ADORA3: variants seen among roughly 807,000 people sequenced by gnomAD.
ADORA3 encodes the protein adenosine receptor A3.
A neutral mutation model predicts 5.7 loss-of-function variants in ADORA3; 3 were observed. The observed-to-expected ratio is 0.52, with a 90% CI of 0.24 to 1.35. ADORA3 has a LOEUF of 1.35. Among genes scored for constraint, ADORA3 ranks in the 40% most tolerant of loss-of-function variants. ADORA3 has a pLI of 0.17. For missense variants in ADORA3, 343 were observed against 389.0 expected, an observed-to-expected ratio of 0.88 and a Z score of 0.99; for synonymous variants, 168 against 152.3, an observed-to-expected ratio of 1.10 and a Z score of -0.76.
At position 111,500,567 on chromosome 1, in the gene ADORA3, G is replaced by T; in HGVS notation, c.351-11C>A. ...GTGACCCTCTTGTATCTGTGTGAAT[G>T]AAGAGAGTCAGTGAGTCCACAGCAG... On this transcript the variant is annotated splice_polypyrimidine_tract_variant and intron_variant, in intron 1 of 1. Coordinates refer to ENST00000241356, the MANE Select transcript of ADORA3 (RefSeq NM_000677.4). 6.2e-7 allele frequency: 1 copy of T among 1,612,474 alleles called. No homozygotes were observed. Among genetic ancestry groups the T allele is most frequent in the South Asian group, 1.1e-5 (1 of 90,970 alleles).
Position 111,503,176 on chromosome 1 carries a change from G to A in ADORA3, c.179C>T (p.Ala60Val). 6.2e-7 allele frequency: 1 copy of A among 1,614,260 alleles called. No homozygotes were observed. The highest frequency in any genetic ancestry group is 8.5e-7 in the Non-Finnish European group (1 of 1,180,038). ...CAAAGGCATGACCAGCACCCCAACA[G>A]CAATGTCAGCCAGGGCTAGAGAGAC... ...FIVSLALADI[A>V]VGVLVMPLAI... Residue 60 changes from alanine to valine, a missense_variant, in exon 1 of 2, where the codon GCT (alanine) becomes GTT (valine). Physicochemically the swap from Ala to Val is moderately conservative, Grantham distance 64. Coordinates refer to ENST00000241356, the MANE Select transcript of ADORA3 (RefSeq NM_000677.4).
Position 111,500,523 on chromosome 1 carries a change from C to G in ADORA3, c.384G>C (p.Trp128Cys). ...YKRVTTHRRI[W>C]LALGLCWLVS... ...CCAGCCAGCAAAGGCCCAGGGCCAG[C>G]CATATTCTTCTGTGAGTGGTGACCC... The change falls in exon 2 of 2, where the codon TGG (tryptophan) becomes TGC (cysteine). Residue 128 changes from tryptophan to cysteine, a missense_variant. Physicochemically the swap from Trp to Cys is radical, Grantham distance 215 (BLOSUM62 -2). Coordinates refer to ENST00000241356, the MANE Select transcript of ADORA3 (RefSeq NM_000677.4). 2 of 1,614,142 alleles carry G rather than the reference C, an allele frequency of 1.2e-6. No homozygotes were observed. Among genetic ancestry groups the G allele is most frequent in the Admixed American group, 3.3e-5 (2 of 60,014 alleles).
chr1:111,499,872 C>T lies in ADORA3; in HGVS notation c.*78G>A. 7 of 1,557,314 alleles carry T rather than the reference C, an allele frequency of 4.5e-6. No homozygotes were observed. Among genetic ancestry groups the T allele is most frequent in the Non-Finnish European group, 6.1e-6 (7 of 1,154,044 alleles). On this transcript the variant is annotated 3_prime_UTR_variant, in exon 2 of 2. Coordinates refer to ENST00000241356, the MANE Select transcript of ADORA3 (RefSeq NM_000677.4). ...AATCAAGGATGTAAAAATCCCTTGG[C>T]CCAGGCATACAGGCCCTCAAGTGTT...
In ADORA3 at chr1:111,503,347, T is replaced by C. The variant is rs1261219016; in HGVS notation, c.8A>G (p.Asn3Ser). The change falls in exon 1 of 2, where the codon AAC becomes AGC. Residue 3 changes from asparagine to serine, a missense_variant. Transcript: ENST00000241356. ...GGCCAATGACAGAGCAGTGCTGTTG[T>C]TGGGCATCTTGCCTTCCCAGGGGAA... MP[N>S]NSTALSLANV... 1 of 1,608,054 alleles carries C rather than the reference T, an allele frequency of 6.2e-7. No homozygotes were observed. The highest frequency in any genetic ancestry group is 8.5e-7 in the Non-Finnish European group (1 of 1,175,720).
At chr1:111,502,130 T>C (rs1235510289) in intron 1 of ADORA3, among the ~76,000 whole-genome samples, 3 of 90,320 alleles carry the variant, frequency 3.3e-5, no homozygotes, top group African/African-American at 4.3e-5. Context: ...ATATAGGATA[T>C]ATATTTAATA....
chr1:111,501,927 T>C (rs1237199219), intron 1 of ADORA3, among the ~76,000 whole-genome samples: 1 of 150,908 alleles, frequency 6.6e-6, no homozygotes, highest in Non-Finnish European at 1.5e-5. Flanking sequence ...TCTATTCATA[T>C]GGTCACATGT....
At position 111,500,559 on chromosome 1, in the gene ADORA3, G is replaced by A; in HGVS notation, c.351-3C>T. On this transcript the variant is annotated splice_region_variant and splice_polypyrimidine_tract_variant and intron_variant, in intron 1 of 1. Coordinates refer to ENST00000241356, the MANE Select transcript of ADORA3 (RefSeq NM_000677.4). ...TGTGAGTGGTGACCCTCTTGTATCT[G>A]TGTGAATGAAGAGAGTCAGTGAGTC... The A allele has an allele frequency of 6.2e-7, 1 of 1,613,112 alleles. No homozygotes were observed. Among genetic ancestry groups the A allele is most frequent in the East Asian group, 2.2e-5 (1 of 44,876 alleles).
intron 1 of ADORA3, 85 bp from the exon 2 acceptor site, chr1:111,500,641 AG>A: frequency 6.4e-6 from 8 of 1,256,456 alleles, no homozygotes; most frequent in Non-Finnish European, 9.1e-6. Context: ...AGAGAGAGAG[AG>A]GTGAGATAAG....
chr1:111,502,096 A>AGATATATATTTAATATAATAAATATATAG (rs1161575777), intron 1 of ADORA3, among the ~76,000 whole-genome samples: 22 of 123,320 alleles, frequency 1.8e-4, no homozygotes, highest in South Asian at 1.4e-3. Context: ...TATATATAGG[A>AGATATATATTTAATATAATAAATATATAG]GATATATATT....
chr1:111,502,868 CA>C, intron 1 of ADORA3, 136 bp downstream of exon 1: 1 of 1,134,016 alleles, frequency 8.8e-7, no homozygotes, highest in Non-Finnish European at 1.2e-6. Context: ...GACCATATCA[CA>C]AAAAGACACT....
chr1:111,499,726 G>GTGTAGATCTCGGTGGTC lies in ADORA3; in HGVS notation c.*223_*224insGACCACCGAGATCTACA. On this transcript the variant is annotated 3_prime_UTR_variant, in exon 2 of 2. Transcript: ENST00000241356. The stretch of plus-strand genomic sequence containing the variant: ...TCAATAATACGTTGTCCCCAAGTCA[G>GTGTAGATCTCGGTGGTC]GCCTCCAAAACACTGAATTAGAGAG... 7.3e-7 allele frequency: 1 copy of GTGTAGATCTCGGTGGTC among 1,372,714 alleles called. No individual in the cohort carries two copies. Among genetic ancestry groups the GTGTAGATCTCGGTGGTC allele is most frequent in the East Asian group, 2.8e-5 (1 of 35,826 alleles). 85.0% of individuals were successfully genotyped at this position (1,372,714 alleles called of 1,614,324 possible).
rs1250049051 is a variant in ADORA3 at position 111,500,450 on chromosome 1, G to A, written c.457C>T (p.Leu153=). The A allele has an allele frequency of 1.2e-6, 2 of 1,614,214 alleles. No homozygotes were observed. The highest frequency in any genetic ancestry group is 2.2e-5 in the South Asian group (2 of 91,080). The change falls in exon 2 of 2, where the codon CTG becomes TTG. Residue 153 remains leucine, a synonymous_variant. Transcript: ENST00000241356. ...ACATTTCTGTGGTACTCTGAGGTCAGTTTCATGTTCCAGCCAAACATGGGG... is the reference window on the plus strand; with the variant it reads ...ACATTTCTGTGGTACTCTGAGGTCAATTTCATGTTCCAGCCAAACATGGGG... ...LTPMFGWNMK[L]TSEYHRNVTF...
chr1:111,503,338 G>C lies in ADORA3; in HGVS notation c.17C>G (p.Thr6Ser), dbSNP rs55653224. Residue 6 changes from threonine (T) to serine (S), a missense_variant, in exon 1 of 2, where the codon ACT becomes AGT. Physicochemically the swap from Thr to Ser is moderately conservative, Grantham distance 58. Coordinates refer to ENST00000241356, the MANE Select transcript of ADORA3 (RefSeq NM_000677.4). Reference sequence around the variant, plus strand: ...GGTAACATTGGCCAATGACAGAGCAGTGCTGTTGTTGGGCATCTTGCCTTC... The same window carrying C: ...GGTAACATTGGCCAATGACAGAGCACTGCTGTTGTTGGGCATCTTGCCTTC... MPNNS[T>S]ALSLANVTYI... The C allele has an allele frequency of 5.5e-5, 88 of 1,610,816 alleles. No individual in the cohort carries two copies. The East Asian group carries it at 1.8e-3, about 33-fold the overall frequency.
chr1:111,500,422 G>A lies in ADORA3; in HGVS notation c.485C>T (p.Thr162Ile), dbSNP rs1655115094. 2 of 1,614,222 alleles carry A rather than the reference G, an allele frequency of 1.2e-6. No homozygotes were observed. Among genetic ancestry groups the A allele is most frequent in the East Asian group, 4.5e-5 (2 of 44,890 alleles). Reference protein sequence around the residue: ...KLTSEYHRNVTFLSCQFVSVM... With the variant: ...KLTSEYHRNVIFLSCQFVSVM... ...GGAAACAAATTGGCATGAAAGGAAGGTGACATTTCTGTGGTACTCTGAGGT... is the reference window on the plus strand; with the variant it reads ...GGAAACAAATTGGCATGAAAGGAAGATGACATTTCTGTGGTACTCTGAGGT... The change falls in exon 2 of 2, where the codon ACC (threonine) becomes ATC (isoleucine). Residue 162 changes from threonine to isoleucine, a missense_variant. Physicochemically the swap from Thr to Ile is moderately conservative, Grantham distance 89. Transcript: ENST00000241356.
chr1:111,501,456 C>T (rs1655170060), intron 1 of ADORA3: 1 of 152,110 alleles, frequency 6.6e-6, no homozygotes, highest in African/African-American at 2.4e-5. Context: ...TTTATTATAA[C>T]CTCAATTTTA....
Position 111,503,088 on chromosome 1 carries a change from T to C in ADORA3, c.267A>G (p.Leu89=), listed in dbSNP as rs753481818. ...HFYSCLFMTC[L]LLIFTHASIM... ...TGGAGGCGTGGGTAAAGATAAGCAGTAGGCAAGTCATAAAAAGGCAGCTGT... is the reference window on the plus strand; with the variant it reads ...TGGAGGCGTGGGTAAAGATAAGCAGCAGGCAAGTCATAAAAAGGCAGCTGT... Residue 89 remains leucine (L), a synonymous_variant, in exon 1 of 2, where the codon CTA becomes CTG. Coordinates refer to ENST00000241356, the MANE Select transcript of ADORA3 (RefSeq NM_000677.4). The C allele has an allele frequency of 6.2e-7, 1 of 1,614,050 alleles. No individual in the cohort carries two copies. Among genetic ancestry groups the C allele is most frequent in the Admixed American group, 1.7e-5 (1 of 60,008 alleles).
chr1:111,502,258 A>AT (rs1655254210), intron 1 of ADORA3, among the ~76,000 whole-genome samples: 1 of 75,114 alleles, frequency 1.3e-5, no homozygotes, highest in African/African-American at 5.1e-5. Context: ...TATTATAATA[A>AT]ATATATAGGA....
At chr1:111,502,267 GATAT>G (rs1372265617) in intron 1 of ADORA3, among the ~76,000 whole-genome samples, 2 of 66,164 alleles carry the variant, frequency 3.0e-5, no homozygotes, top group African/African-American at 1.1e-4. Context: ...AAATATATAG[GATAT>G]ATATTCATTA....
chr1:111,502,985 C>A lies in ADORA3; in HGVS notation c.350+20G>T. The A allele has an allele frequency of 6.2e-7, 1 of 1,608,486 alleles. No homozygotes were observed. Among genetic ancestry groups the A allele is most frequent in the East Asian group, 2.2e-5 (1 of 44,792 alleles). On this transcript the variant is annotated intron_variant, in intron 1 of 1. Coordinates refer to ENST00000241356, the MANE Select transcript of ADORA3 (RefSeq NM_000677.4). ...TTTCCCAGCTGCCTCAATTGCTGCCCACCCCACGCCGCAGGCTACCTGACG... is the reference window on the plus strand; with the variant it reads ...TTTCCCAGCTGCCTCAATTGCTGCCAACCCCACGCCGCAGGCTACCTGACG...
Sources: allele counts gnomAD v4.1 joint callset (sites outside exome capture counted in the v4.1 genomes callset), GRCh38; gene constraint gnomAD v4.1.1; transcripts MANE v1.5; gene names NCBI Gene and HGNC (gene_info 2026-07-23, HGNC 2026-07-21).